Variants in TXNRD1 observed in about 807,000 individuals in gnomAD.
The protein encoded by TXNRD1 is thioredoxin reductase 1.
In TXNRD1, 57 loss-of-function variants were observed where a neutral mutation model predicts 80.3. The observed-to-expected ratio is 0.71, with a 90% CI of 0.57 to 0.89. The LOEUF is 0.89. Ranked by LOEUF, TXNRD1 falls within the 40% of genes least tolerant of loss-of-function variation. The pLI is 0.00. For missense variants in TXNRD1, 730 were observed against 803.0 expected (o/e 0.91, Z 1.10); for synonymous variants, 291 against 285.2 (o/e 1.02, Z -0.20).
In TXNRD1 at chr12:104,288,816, A is replaced by C. The variant is rs1280477581; in HGVS notation, c.305-115A>C. 16 of 1,605,822 alleles carry C rather than the reference A, an allele frequency of 1.0e-5. No individual in the cohort carries two copies. In the South Asian group the frequency reaches 1.6e-4, roughly 16 times the overall value. ...CATGCTAACTTGCAAGGGAGTCAAC[A>C]GAGGGCACGCGGTGCCTGCGGGGCC... is the stretch of plus-strand genomic sequence containing the variant. On this transcript the variant is annotated intron_variant, in intron 3 of 16. Coordinates refer to ENST00000525566, the MANE Select transcript of TXNRD1 (RefSeq NM_001093771.3).
chr12:104,242,236 G>T (rs1383076257), intron 1 of TXNRD1, among the ~76,000 whole-genome samples: 2 of 151,462 alleles, frequency 1.3e-5, no homozygotes, highest in Non-Finnish European at 2.9e-5. Context: ...ACTGTGTCCG[G>T]CCTACTAATG....
chr12:104,316,775 T>TA (rs1212408645), intron 7 of TXNRD1, among the ~76,000 whole-genome samples: 2 of 152,296 alleles, frequency 1.3e-5, no homozygotes, highest in African/African-American at 4.8e-5. Context: ...ATTTATGACA[T>TA]ATGTCACTCT....
intron 11 of TXNRD1, 39 bp downstream of exon 11, chr12:104,325,468 A>C: frequency 3.5e-6 from 5 of 1,437,468 alleles, no homozygotes; most frequent in Non-Finnish European, 4.9e-6. Flanking sequence ...ATCAGAAAGC[A>C]AATAACATGC....
intron 3 of TXNRD1, chr12:104,280,729 C>T (rs61937887): frequency 0.021 from 3,179 of 152,230 alleles, 44 homozygotes; most frequent in Non-Finnish European, 0.031. Flanking sequence ...ATGGAGGTTT[C>T]CCAAAGAGGA....
At chr12:104,299,671 G>A (rs933695810) in intron 4 of TXNRD1, among the ~76,000 whole-genome samples, 1 of 151,464 alleles carries the variant, frequency 6.6e-6, no homozygotes, top group African/African-American at 2.4e-5. Context: ...GGAGGCTGAG[G>A]CAGGAGAATC....
intron 16 of TXNRD1, chr12:104,346,059 C>T (rs1221085687): frequency 8.4e-7 from 1 of 1,186,340 alleles, no homozygotes; most frequent in African/African-American, 1.6e-5. Context: ...GTCACCCAGG[C>T]TGGAGTGCAG....
intron 3 of TXNRD1, among the ~76,000 whole-genome samples, chr12:104,285,517 A>G (rs1477609209): frequency 6.6e-6 from 1 of 152,052 alleles, no homozygotes; most frequent in Non-Finnish European, 1.5e-5. Context: ...AATTATAATC[A>G]CTCTGAGCTG....
intron 7 of TXNRD1, among the ~76,000 whole-genome samples, chr12:104,316,335 G>C (rs1291794210): frequency 6.6e-6 from 1 of 152,090 alleles, no homozygotes; most frequent in Non-Finnish European, 1.5e-5. Context: ...AAACTATTTA[G>C]AGTACCCTAG....
chr12:104,272,777 G>T (rs2033677840), intron 3 of TXNRD1, among the ~76,000 whole-genome samples: 1 of 148,060 alleles, frequency 6.8e-6, no homozygotes, highest in South Asian at 2.1e-4. Flanking sequence ...GGGCAACAGA[G>T]TGAGACTCCA....
chr12:104,339,268 G>A lies in TXNRD1; in HGVS notation c.1876G>A (p.Ala626Thr). ...CACAATTGGAATCCACCCTGTCTGT[G>A]CAGAGGTGGGTCATCTACACTTATA... is the stretch of plus-strand genomic sequence containing the variant. ...DSTIGIHPVCAEVFTTLSVTK... is the reference protein window; with the variant it reads ...DSTIGIHPVCTEVFTTLSVTK... The change falls in exon 16 of 17, where the codon GCA becomes ACA. Residue 626 changes from alanine (A) to threonine (T), a missense_variant. Physicochemically the swap from Ala to Thr is moderately conservative, Grantham distance 58 (BLOSUM62 0). Transcript: ENST00000525566. 1 of 1,613,914 alleles carries A rather than the reference G, an allele frequency of 6.2e-7. No homozygotes were observed. The highest frequency in any genetic ancestry group is 2.2e-5 in the East Asian group (1 of 44,880).
Position 104,312,518 on chromosome 12 carries a change from C to T in TXNRD1, c.538-727C>T, listed in dbSNP as rs545369550. Among the ~76,000 whole-genome samples the T allele has an allele frequency of 3.3e-5, 5 of 152,236 alleles. No individual in the cohort carries two copies. The South Asian group carries it at 1.0e-3, about 32-fold the overall frequency. On this transcript the variant is annotated intron_variant, in intron 5 of 16. Coordinates refer to ENST00000525566, the MANE Select transcript of TXNRD1 (RefSeq NM_001093771.3). ...ACTGAAAGTAATTGAGGAATAATAC[C>T]TGATGTATTTTACTCCAGTGGTGGT...
intron 1 of TXNRD1, among the ~76,000 whole-genome samples, chr12:104,229,373 C>T (rs1350488923): frequency 1.3e-5 from 2 of 151,408 alleles, no homozygotes; most frequent in African/African-American, 2.4e-5. Flanking sequence ...GTCTTGAACT[C>T]CTGAGCTCAA....
intron 6 of TXNRD1, among the ~76,000 whole-genome samples, chr12:104,315,253 A>AAGG (rs1382688202): frequency 1.3e-5 from 2 of 152,244 alleles, no homozygotes; most frequent in African/African-American, 2.4e-5. Context: ...CCCGAACATC[A>AAGG]TAGCTTAGCC....
intron 4 of TXNRD1, chr12:104,303,772 C>G (rs1024211960): frequency 1.6e-6 from 2 of 1,236,622 alleles, no homozygotes; most frequent in Non-Finnish European, 2.2e-6. Flanking sequence ...ACTGCCGCCA[C>G]TTTCCACACG....
chr12:104,216,811 G>C (rs960340336), intron 1 of TXNRD1, among the ~76,000 whole-genome samples: 34 of 152,350 alleles, frequency 2.2e-4, no homozygotes, highest in Middle Eastern at 3.4e-3. Context: ...GCTCCAAAAA[G>C]TGCCTTGCCC....
intron 4 of TXNRD1, chr12:104,291,068 T>TA: frequency 1.5e-6 from 1 of 686,562 alleles, no homozygotes; most frequent in Non-Finnish European, 2.6e-6. Context: ...CTCGGCCTCC[T>TA]AAAGTGCTGG....
chr12:104,272,820 A>T (rs1412712039), intron 3 of TXNRD1, among the ~76,000 whole-genome samples: 1 of 151,598 alleles, frequency 6.6e-6, no homozygotes, highest in East Asian at 1.9e-4. Flanking sequence ...AAAAAAAAGT[A>T]GAAGGCAAAG....
chr12:104,331,714 G>T (rs2035954244), intron 14 of TXNRD1, 73 bp downstream of exon 14: 8 of 999,392 alleles, frequency 8.0e-6, no homozygotes, highest in Non-Finnish European at 1.2e-5. Context: ...ATATATAGAA[G>T]ACTTAAAAAA....
chr12:104,305,330 T>C (rs1053491900), intron 4 of TXNRD1: 5 of 148,234 alleles, frequency 3.4e-5, no homozygotes, highest in African/African-American at 1.3e-4. Flanking sequence ...CCTAACCAGG[T>C]TGGGCAAAGA....
Sources: allele counts gnomAD v4.1 joint callset (sites outside exome capture counted in the v4.1 genomes callset), GRCh38; gene constraint gnomAD v4.1.1; transcripts MANE v1.5; gene names NCBI Gene and HGNC (gene_info 2026-07-23, HGNC 2026-07-21).